CAMKK2: variants seen among roughly 807,000 people sequenced by gnomAD.
CAMKK2 encodes the protein calcium/calmodulin-dependent protein kinase kinase 2.
CAMKK2 carries 30 observed loss-of-function variants against 67.2 expected under a neutral mutation model. The observed-to-expected ratio is 0.45, with a 90% CI of 0.33 to 0.61. The LOEUF is 0.61. Ranked by LOEUF, CAMKK2 falls within the 20% of genes least tolerant of loss-of-function variation. The pLI is 0.02. For synonymous variants in CAMKK2, 322 were observed against 326.2 expected, an observed-to-expected ratio of 0.99 and a Z score of 0.14; for missense variants, 643 against 802.0, an observed-to-expected ratio of 0.80 and a Z score of 2.39.
intron 16 of CAMKK2, among the ~76,000 whole-genome samples, chr12:121,243,400 T>C (rs1316126758): frequency 6.6e-6 from 1 of 151,736 alleles, no homozygotes; most frequent in East Asian, 1.9e-4. Context: ...ATAGCATCAG[T>C]CTTCATTCGA....
At position 121,248,717 on chromosome 12, in the gene CAMKK2, C is replaced by T. The variant is rs748065093; in HGVS notation, c.1341G>A (p.Thr447=). The T allele has an allele frequency of 9.9e-6, 16 of 1,614,002 alleles. No homozygotes were observed. The East Asian group carries it at 1.1e-4, about 11-fold the overall frequency. Residue 447 remains threonine (T), a synonymous_variant, in exon 14 of 17, where the codon ACG becomes ACA. Coordinates refer to ENST00000404169, the MANE Select transcript of CAMKK2 (RefSeq NM_001270485.2). ...ACGGCAACGGCTCCGCCCCATGCCT[C>T]GTGACCCAGGGGTGCAGCTTCAACG... ...VPEIKLHPWV[T]RHGAEPLPSE...
chr12:121,260,180 C>T (rs549414986), intron 7 of CAMKK2, 139 bp downstream of exon 7: 60 of 688,270 alleles, frequency 8.7e-5, no homozygotes, highest in African/African-American at 8.4e-4. Flanking sequence ...GTGTGGCCTC[C>T]GGTGGGGCCA....
rs1349865642 is a variant in CAMKK2 at position 121,245,189 on chromosome 12, C to T, written c.1504G>A (p.Gly502Ser). ...AGTGAGCGTTCCTCCCGCCGGCTGCCCTCGAATGGGTTCCCAAAGGAGCGT... is the reference window on the plus strand; with the variant it reads ...AGTGAGCGTTCCTCCCGCCGGCTGCTCTCGAATGGGTTCCCAAAGGAGCGT... The part of the protein sequence containing the change: ...RKRSFGNPFE[G>S]SRREERSLSA... Residue 502 changes from glycine to serine, a missense_variant, in exon 15 of 17, where the codon GGC (glycine) becomes AGC (serine). Gly to Ser is a moderately conservative substitution (Grantham distance 56, BLOSUM62 0). This residue lies in a region of CAMKK2 where 140 missense variants were observed against 124.2 expected (regional missense o/e 1.13). Coordinates refer to ENST00000404169, the MANE Select transcript of CAMKK2 (RefSeq NM_001270485.2). The surrounding 1 kb of genome is among the most constrained non-coding windows in gnomAD (Gnocchi z 5.8). 6.2e-7 allele frequency: 1 copy of T among 1,609,406 alleles called. No homozygotes were observed. Among genetic ancestry groups the T allele is most frequent in the Non-Finnish European group, 8.5e-7 (1 of 1,177,660 alleles).
chr12:121,290,412 T>C (rs1399129571), intron 1 of CAMKK2, among the ~76,000 whole-genome samples: 2 of 152,190 alleles, frequency 1.3e-5, no homozygotes, highest in African/African-American at 4.8e-5. Context: ...ACAGGGCTGG[T>C]TGTAATGGCT....
At chr12:121,282,218 T>C (rs1897929483) in intron 1 of CAMKK2, among the ~76,000 whole-genome samples, 1 of 151,876 alleles carries the variant, frequency 6.6e-6, no homozygotes, top group Non-Finnish European at 1.5e-5. Flanking sequence ...CAGAAACAAG[T>C]TTCCTGGGTC....
At chr12:121,283,442 C>A (rs1898164306) in intron 1 of CAMKK2, among the ~76,000 whole-genome samples, 1 of 152,182 alleles carries the variant, frequency 6.6e-6, no homozygotes, top group African/African-American at 2.4e-5. Context: ...CCATCCTCAT[C>A]ATAGTCCCTA....
At chr12:121,280,783 C>G (rs1239378922) in intron 1 of CAMKK2, among the ~76,000 whole-genome samples, 2 of 152,152 alleles carry the variant, frequency 1.3e-5, no homozygotes, top group Non-Finnish European at 2.9e-5. Flanking sequence ...AGGGGAAATT[C>G]CCACCTGATA....
chr12:121,253,023 T>C lies in CAMKK2; in HGVS notation c.1107+250A>G, dbSNP rs545523092. Among the ~76,000 whole-genome samples, 1 of 152,222 alleles carries C rather than the reference T, an allele frequency of 6.6e-6. No individual in the cohort carries two copies. The highest frequency in any genetic ancestry group is 2.1e-4 in the South Asian group (1 of 4,824). On this transcript the variant is annotated intron_variant, in intron 10 of 16. Coordinates refer to ENST00000404169, the MANE Select transcript of CAMKK2 (RefSeq NM_001270485.2). This position sits in a 1 kb window ranked among gnomAD's most constrained non-coding sequence, Gnocchi z 5.0. ...TCTTGCCACTGAGGTTGGCAAATGA[T>C]AGAAAGTAACCTGGTCCCTGGGTGC... is the stretch of plus-strand genomic sequence containing the variant.
chr12:121,283,534 T>TGAA (rs1898181180), intron 1 of CAMKK2, among the ~76,000 whole-genome samples: 1 of 152,088 alleles, frequency 6.6e-6, no homozygotes, highest in African/African-American at 2.4e-5. Flanking sequence ...CAAAGCTATC[T>TGAA]GAAGAAGTGG....
intron 16 of CAMKK2, among the ~76,000 whole-genome samples, chr12:121,242,837 G>A (rs1253660780): frequency 2.0e-5 from 3 of 152,108 alleles, no homozygotes; most frequent in African/African-American, 4.8e-5. Flanking sequence ...CCGCCTCCCG[G>A]GTTCACGCCA....
At chr12:121,269,367 T>C (rs886273925) in intron 4 of CAMKK2, among the ~76,000 whole-genome samples, 161 bp downstream of exon 4, 1 of 152,164 alleles carries the variant, frequency 6.6e-6, no homozygotes, top group African/African-American at 2.4e-5. Context: ...TTTTCCTATC[T>C]GTAAAATGGG....
chr12:121,287,850 T>C (rs1899074709), intron 1 of CAMKK2, among the ~76,000 whole-genome samples: 1 of 152,130 alleles, frequency 6.6e-6, no homozygotes, highest in East Asian at 1.9e-4. Flanking sequence ...TGCACACCTG[T>C]GGTCCCAGCT....
At chr12:121,242,047 G>A (rs1039399927) in intron 16 of CAMKK2, among the ~76,000 whole-genome samples, 1 of 152,154 alleles carries the variant, frequency 6.6e-6, no homozygotes, top group Admixed American at 6.6e-5. Context: ...TCATTGAAAC[G>A]AAGGCCGGGC....
intron 7 of CAMKK2, among the ~76,000 whole-genome samples, chr12:121,258,317 C>A (rs1892758570): frequency 6.6e-6 from 1 of 152,168 alleles, no homozygotes; most frequent in South Asian, 2.1e-4. Flanking sequence ...AGCCACCACA[C>A]CCAGCCCCCT....
intron 1 of CAMKK2, among the ~76,000 whole-genome samples, chr12:121,284,459 G>A (rs566058865): frequency 1.3e-5 from 2 of 152,150 alleles, no homozygotes; most frequent in African/African-American, 4.8e-5. Flanking sequence ...CAAGTAGCTG[G>A]GGATTACAGG....
intron 8 of CAMKK2, 44 bp downstream of exon 8, chr12:121,255,739 C>T (rs751358065): frequency 6.2e-7 from 1 of 1,612,666 alleles, no homozygotes; most frequent in Non-Finnish European, 8.5e-7. Context: ...TATGCAGCTA[C>T]AGAAGCTTCT....
rs968398182 is a variant in CAMKK2, at chr12:121,253,585, T to A, written c.908-113A>T. On this transcript the variant is annotated intron_variant, in intron 9 of 16. Coordinates refer to ENST00000404169, the MANE Select transcript of CAMKK2 (RefSeq NM_001270485.2). The surrounding 1 kb of genome is among the most constrained non-coding windows in gnomAD (Gnocchi z 5.0). The stretch of plus-strand genomic sequence containing the variant: ...CATGGCACCCCTCTGATGCCTTGTC[T>A]CCCACAGCCCCAGGCCTTTTCCAAC... The A allele has an allele frequency of 4.2e-5, 37 of 882,076 alleles. No individual in the cohort carries two copies. The highest frequency in any genetic ancestry group is 1.6e-5 in the African/African-American group (1 of 60,832). 54.6% of individuals were successfully genotyped at this position (882,076 alleles called of 1,614,324 possible). A position where few individuals can be genotyped will look rare whatever the true frequency, so the allele number is the denominator to read the frequency against.
In CAMKK2 at chr12:121,270,938, A is replaced by T; in HGVS notation, c.479T>A (p.Val160Glu). 6.2e-7 allele frequency: 1 copy of T among 1,613,498 alleles called. No individual in the cohort carries two copies. Among genetic ancestry groups the T allele is most frequent in the East Asian group, 2.2e-5 (1 of 44,874 alleles). Residue 160 changes from valine to glutamate, a missense_variant, in exon 3 of 17, where the codon GTG (valine) becomes GAG (glutamate). By Grantham distance (121) the Val-to-Glu change is moderately radical (BLOSUM62 -2). This residue lies in a region of CAMKK2 where 483 missense variants were observed against 625.8 expected (regional missense o/e 0.77). Coordinates refer to ENST00000404169, the MANE Select transcript of CAMKK2 (RefSeq NM_001270485.2). The part of the protein sequence containing the change: ...HVSITGMQDC[V>E]QLNQYTLKDE... ...CTTCAGGGTATACTGATTCAGCTGC[A>T]CACAGTCCTAGAGAGTAAGGAGAGA... is the stretch of plus-strand genomic sequence containing the variant.
At chr12:121,241,097 A>G (rs1888288588) in intron 16 of CAMKK2, among the ~76,000 whole-genome samples, 1 of 152,274 alleles carries the variant, frequency 6.6e-6, no homozygotes, top group South Asian at 2.1e-4. Flanking sequence ...GACCAGCATC[A>G]TTTGCCAAAA....
Sources: gnomAD v4.1 joint callset for allele counts (sites outside exome capture counted in the v4.1 genomes callset) on GRCh38, gnomAD v4.1.1 for gene constraint, gnomAD v4.1.1 regional missense constraint, Gnocchi (gnomAD v3.1) non-coding constraint, MANE v1.5 for transcripts, NCBI Gene and HGNC (gene_info 2026-07-23, HGNC 2026-07-21) for gene names.